The following SSBP2 variants were observed in gnomAD, a reference collection of about 807,000 sequenced individuals.
SSBP2 encodes single stranded DNA binding protein 2.
SSBP2 carries 17 observed loss-of-function variants against 61.8 expected under a neutral mutation model. The ratio of observed to expected loss-of-function variants is 0.28; its 90% CI spans 0.19 to 0.41. The LOEUF (loss-of-function observed/expected upper bound fraction) is 0.41. Ranked by LOEUF, SSBP2 falls within the 10% of genes least tolerant of loss-of-function variation. SSBP2 has a pLI of 1.00. For missense variants in SSBP2, 310 were observed against 458.7 expected, an observed-to-expected ratio of 0.68 and a Z score of 2.96; for synonymous variants, 139 against 141.3, an observed-to-expected ratio of 0.98 and a Z score of 0.12.
At chr5:81,453,548 C>G (rs975344318) in intron 10 of SSBP2, among the ~76,000 whole-genome samples, 3 of 151,634 alleles carry the variant, frequency 2.0e-5, no homozygotes, top group African/African-American at 4.8e-5. Flanking sequence ...GCTCCGCCCC[C>G]CGGGTTCACG....
chr5:81,501,648 C>T (rs559024199), intron 5 of SSBP2, among the ~76,000 whole-genome samples: 13 of 150,154 alleles, frequency 8.7e-5, no homozygotes, highest in South Asian at 4.3e-4. Context: ...CTGCAAGCTC[C>T]GCCTCTCGGG....
At chr5:81,621,695 T>A (rs1746573289) in intron 3 of SSBP2, among the ~76,000 whole-genome samples, 1 of 53,998 alleles carries the variant, frequency 1.9e-5, no homozygotes, top group East Asian at 6.0e-4. Flanking sequence ...AGCAAAGACT[T>A]GGAACCAACC....
chr5:81,527,332 A>T (rs1415226512), intron 4 of SSBP2, among the ~76,000 whole-genome samples: 5 of 152,100 alleles, frequency 3.3e-5, no homozygotes, highest in African/African-American at 9.7e-5. Context: ...GCAGTGGTGG[A>T]GAAGAAATGC....
intron 11 of SSBP2, 74 bp from the exon 12 acceptor site, chr5:81,446,996 T>TA: frequency 1.9e-6 from 2 of 1,037,118 alleles, no homozygotes; most frequent in Non-Finnish European, 2.8e-6. Flanking sequence ...CTTATATCTA[T>TA]AATAATCCAA....
chr5:81,570,002 T>G (rs551563710), intron 4 of SSBP2, among the ~76,000 whole-genome samples: 141 of 152,176 alleles, frequency 9.3e-4, no homozygotes, highest in African/African-American at 3.3e-3. Context: ...TTAAAAATAT[T>G]TAGAACTCTG....
At chr5:81,567,979 A>AGGAGGAAGGAACTTGAT (rs1160279768) in intron 4 of SSBP2, among the ~76,000 whole-genome samples, 9 of 152,172 alleles carry the variant, frequency 5.9e-5, no homozygotes, top group Non-Finnish European at 1.3e-4. Context: ...ACAGGCTCAT[A>AGGAGGAAGGAACTTGAT]GGAGGAAGGA....
At chr5:81,744,242 C>T (rs1018800465) in intron 1 of SSBP2, among the ~76,000 whole-genome samples, 2 of 152,128 alleles carry the variant, frequency 1.3e-5, no homozygotes, top group African/African-American at 4.8e-5. Flanking sequence ...AAAAAATATT[C>T]ACTTTAATCC....
chr5:81,497,817 A>C (rs1767403847), intron 5 of SSBP2, among the ~76,000 whole-genome samples: 1 of 152,098 alleles, frequency 6.6e-6, no homozygotes, highest in Non-Finnish European at 1.5e-5. Flanking sequence ...GAAAATAATG[A>C]GTCTTAGGTA....
At chr5:81,681,636 T>A (rs1194682405) in intron 1 of SSBP2, among the ~76,000 whole-genome samples, 1 of 151,982 alleles carries the variant, frequency 6.6e-6, no homozygotes, top group Non-Finnish European at 1.5e-5. Flanking sequence ...AGAAACTTTT[T>A]AAATCAATAA....
At chr5:81,633,876 C>T (rs925264937) in intron 3 of SSBP2, among the ~76,000 whole-genome samples, 1 of 152,220 alleles carries the variant, frequency 6.6e-6, no homozygotes. Flanking sequence ...TTCAAGTAAC[C>T]ATTCTCTACT....
intron 4 of SSBP2, among the ~76,000 whole-genome samples, chr5:81,529,323 A>G (rs187915324): frequency 6.6e-6 from 1 of 152,176 alleles, no homozygotes; most frequent in African/African-American, 2.4e-5. Flanking sequence ...TGAAGTTATC[A>G]TAAGTTGTAG....
chr5:81,657,243 G>T (rs1750310168), intron 1 of SSBP2, among the ~76,000 whole-genome samples: 1 of 152,012 alleles, frequency 6.6e-6, no homozygotes, highest in South Asian at 2.1e-4. Context: ...AAATACTATT[G>T]TAAAGAATCA....
chr5:81,554,000 C>G (rs928880661), intron 4 of SSBP2, among the ~76,000 whole-genome samples: 5 of 152,030 alleles, frequency 3.3e-5, no homozygotes, highest in Admixed American at 1.3e-4. Flanking sequence ...AACTAATAAA[C>G]TTCCCCTCCC....
chr5:81,608,500 G>A (rs541137101), intron 4 of SSBP2, among the ~76,000 whole-genome samples: 11 of 152,212 alleles, frequency 7.2e-5, no homozygotes, highest in African/African-American at 2.6e-4. Flanking sequence ...TGAAGCAAAA[G>A]TTTCATCCAG....
chr5:81,607,110 G>A (rs935440503), intron 4 of SSBP2, among the ~76,000 whole-genome samples: 2 of 151,978 alleles, frequency 1.3e-5, no homozygotes, highest in African/African-American at 4.8e-5. Flanking sequence ...TTATGTATTT[G>A]GGCTTTTGTC....
intron 1 of SSBP2, among the ~76,000 whole-genome samples, chr5:81,694,422 A>T (rs568622086): frequency 2.0e-5 from 3 of 152,338 alleles, no homozygotes; most frequent in South Asian, 2.1e-4. Context: ...GTGTCACATT[A>T]TCTCAAGTAT....
intron 10 of SSBP2, among the ~76,000 whole-genome samples, chr5:81,451,180 T>C (rs1436716787): frequency 6.6e-6 from 1 of 152,186 alleles, no homozygotes; most frequent in African/African-American, 2.4e-5. Flanking sequence ...AATGGACTCT[T>C]GTGAGCTGGC....
intron 1 of SSBP2, among the ~76,000 whole-genome samples, chr5:81,716,040 G>A (rs1268605756): frequency 6.6e-6 from 1 of 151,562 alleles, no homozygotes; most frequent in Non-Finnish European, 1.5e-5. Context: ...CTGGGTGACA[G>A]AGTGAGACCC....
At chr5:81,684,635 T>C (rs1752634252) in intron 1 of SSBP2, among the ~76,000 whole-genome samples, 2 of 152,266 alleles carry the variant, frequency 1.3e-5, no homozygotes, top group South Asian at 4.1e-4. Context: ...ATGGGGCCTA[T>C]AGTCCTTTTG....
Sources: gnomAD v4.1 joint callset for allele counts (sites outside exome capture counted in the v4.1 genomes callset) on GRCh38, gnomAD v4.1.1 for gene constraint, MANE v1.5 for transcripts, NCBI Gene and HGNC (gene_info 2026-07-23, HGNC 2026-07-21) for gene names.